Variants in SPATA17 observed in about 807,000 individuals in gnomAD.
SPATA17 encodes the protein spermatogenesis associated 17.
A neutral mutation model predicts 62.2 loss-of-function variants in SPATA17; 53 were observed. The ratio of observed to expected loss-of-function variants is 0.85; its 90% CI spans 0.68 to 1.07. The LOEUF (loss-of-function observed/expected upper bound fraction) is 1.07, where lower values mean the gene tolerates loss of function less well. SPATA17 is among the 50% of genes least tolerant of loss of function. The probability of loss-of-function intolerance (pLI) is 0.00; values close to 1 mark genes in which losing one functional copy is unlikely to be tolerated. For missense variants in SPATA17, 466 were observed against 425.5 expected (o/e 1.10, Z -0.84); for synonymous variants, 146 against 146.8 (o/e 0.99, Z 0.04).
intron 9 of SPATA17, among the ~76,000 whole-genome samples, chr1:217,806,285 G>C (rs1198296048): frequency 6.6e-6 from 1 of 152,160 alleles, no homozygotes; most frequent in South Asian, 2.1e-4. Context: ...TCTCTGCAAG[G>C]GTCCTGCCCA....
chr1:217,767,460 C>T (rs1020027749), intron 6 of SPATA17, among the ~76,000 whole-genome samples: 10 of 151,158 alleles, frequency 6.6e-5, no homozygotes, highest in African/African-American at 1.9e-4. Context: ...TTCTTCTGTC[C>T]CTTTCTCTCA....
intron 10 of SPATA17, among the ~76,000 whole-genome samples, chr1:217,863,884 A>G (rs1338440831): frequency 1.3e-5 from 2 of 152,186 alleles, no homozygotes; most frequent in Admixed American, 1.3e-4. Flanking sequence ...AGAATCCCCC[A>G]GCTATCCTCT....
At position 217,676,894 on chromosome 1, in the gene SPATA17, T is replaced by G. The variant is rs79708041; in HGVS notation, c.292-6364T>G. Among the ~76,000 whole-genome samples, 425 of 152,304 alleles carry G rather than the reference T, an allele frequency of 2.8e-3. 18 individuals carry two copies. In the East Asian group the frequency reaches 0.074, roughly 26 times the overall value. On this transcript the variant is annotated intron_variant, in intron 4 of 10. Transcript: ENST00000366933. ...TTACAGAATGTTAAAGAACTACAGA[T>G]GTAATTAATTGTTTCAAGTAAAATT...
chr1:217,709,152 T>A (rs1275445832), intron 5 of SPATA17, among the ~76,000 whole-genome samples: 1 of 152,196 alleles, frequency 6.6e-6, no homozygotes, highest in Non-Finnish European at 1.5e-5. Context: ...CACATTTCCT[T>A]ATTCTGTTTT....
At chr1:217,789,677 T>C (rs1037645266) in intron 8 of SPATA17, among the ~76,000 whole-genome samples, 1 of 152,120 alleles carries the variant, frequency 6.6e-6, no homozygotes, top group Non-Finnish European at 1.5e-5. Flanking sequence ...AGCTTACAGA[T>C]GGTAGGTAGA....
At chr1:217,732,536 A>G (rs1432990495) in intron 5 of SPATA17, among the ~76,000 whole-genome samples, 1 of 152,198 alleles carries the variant, frequency 6.6e-6, no homozygotes, top group Admixed American at 6.5e-5. Flanking sequence ...ACTCTACCCA[A>G]AACATAAATT....
chr1:217,851,341 G>A (rs915372912), intron 9 of SPATA17, among the ~76,000 whole-genome samples: 2 of 151,842 alleles, frequency 1.3e-5, no homozygotes, highest in Admixed American at 1.3e-4. Flanking sequence ...TATAAATATT[G>A]AGTAAGAAAG....
chr1:217,675,133 C>T (rs1240937853), intron 4 of SPATA17, among the ~76,000 whole-genome samples: 2 of 151,810 alleles, frequency 1.3e-5, no homozygotes, highest in African/African-American at 4.8e-5. Context: ...ACTCCTGCCG[C>T]AATTATATGG....
chr1:217,787,650 T>G (rs1161806946), intron 8 of SPATA17, among the ~76,000 whole-genome samples: 1 of 152,190 alleles, frequency 6.6e-6, no homozygotes, highest in African/African-American at 2.4e-5. Flanking sequence ...GATCCTCAGT[T>G]ATGTTTTCCA....
intron 5 of SPATA17, among the ~76,000 whole-genome samples, chr1:217,705,032 G>A (rs974500049): frequency 6.6e-6 from 1 of 152,158 alleles, no homozygotes; most frequent in African/African-American, 2.4e-5. Context: ...CAGTGTATAA[G>A]TGTTGCCTTT....
At position 217,654,806 on chromosome 1, in the gene SPATA17, G is replaced by A. The variant is rs370455905; in HGVS notation, c.240+3628G>A. 2.9e-3 allele frequency among the ~76,000 whole-genome samples: 437 copies of A among 150,348 alleles called. 3 individuals are homozygous for A. The highest frequency in any genetic ancestry group is 0.01 in the African/African-American group (425 of 40,788). Reference sequence around the variant, plus strand: ...CAGCTCACTGCAACCTCTGCCTCCCGGGTTCAAGCGATTCTCCTGCCTCAG... The same window carrying A: ...CAGCTCACTGCAACCTCTGCCTCCCAGGTTCAAGCGATTCTCCTGCCTCAG... On this transcript the variant is annotated intron_variant, in intron 3 of 10. Coordinates refer to ENST00000366933, the MANE Select transcript of SPATA17 (RefSeq NM_138796.4).
At chr1:217,683,872 TGTGTGTA>T (rs1229365400) in intron 5 of SPATA17, among the ~76,000 whole-genome samples, 1 of 152,128 alleles carries the variant, frequency 6.6e-6, no homozygotes, top group Admixed American at 6.5e-5. Context: ...AAGTTATTTA[TGTGTGTA>T]GTATCTTGTA....
intron 9 of SPATA17, among the ~76,000 whole-genome samples, chr1:217,838,379 A>G (rs1675309491): frequency 6.6e-6 from 1 of 152,102 alleles, no homozygotes. Flanking sequence ...GAACTTGAAA[A>G]TACCACCAGT....
intron 6 of SPATA17, among the ~76,000 whole-genome samples, chr1:217,743,996 T>G (rs1263817632): frequency 6.6e-6 from 1 of 152,054 alleles, no homozygotes; most frequent in African/African-American, 2.4e-5. Flanking sequence ...GTGAAATGAT[T>G]TAGAAAGTCC....
chr1:217,664,798 A>T (rs1023760794), intron 3 of SPATA17, among the ~76,000 whole-genome samples: 10 of 152,182 alleles, frequency 6.6e-5, no homozygotes, highest in Non-Finnish European at 1.0e-4. Flanking sequence ...ATGGTTTGAA[A>T]GTACCCTTTG....
intron 8 of SPATA17, among the ~76,000 whole-genome samples, chr1:217,788,853 T>C (rs149466144): frequency 4.6e-5 from 7 of 152,330 alleles, no homozygotes; most frequent in African/African-American, 1.7e-4. Context: ...TGATTTGTTA[T>C]AACAGCAAAA....
intron 4 of SPATA17, among the ~76,000 whole-genome samples, chr1:217,681,443 G>A (rs1339430060): frequency 1.3e-5 from 2 of 151,366 alleles, no homozygotes; most frequent in South Asian, 2.1e-4. Context: ...GTGCAATCTC[G>A]GCTCACTGCA....
intron 9 of SPATA17, among the ~76,000 whole-genome samples, chr1:217,837,739 T>G (rs1048522875): frequency 1.3e-5 from 2 of 152,146 alleles, no homozygotes; most frequent in African/African-American, 4.8e-5. Flanking sequence ...TCACTGATTT[T>G]GGGGGTGCTC....
intron 1 of SPATA17, among the ~76,000 whole-genome samples, chr1:217,635,455 G>A (rs1669915522): frequency 7.9e-5 from 12 of 152,172 alleles, no homozygotes; most frequent in Admixed American, 7.9e-4. Context: ...TATAATCCCA[G>A]CACTTTGGGA....
Sources: allele counts gnomAD v4.1 joint callset (sites outside exome capture counted in the v4.1 genomes callset), GRCh38; gene constraint gnomAD v4.1.1; transcripts MANE v1.5; gene names NCBI Gene and HGNC (gene_info 2026-07-23, HGNC 2026-07-21).